The following DYDC1 variants were observed in gnomAD, a reference collection of about 807,000 sequenced individuals.
DYDC1 encodes DPY30 domain containing 1, also known as DPY30 domain-containing protein 1.
DYDC1 carries 21 observed loss-of-function variants against 27.9 expected under a neutral mutation model. The observed-to-expected ratio is 0.75, with a 90% CI of 0.53 to 1.08. The LOEUF (loss-of-function observed/expected upper bound fraction) is 1.08. DYDC1 is among the 50% of genes least tolerant of loss of function. DYDC1 has a pLI of 0.00. For synonymous variants in DYDC1, 67 were observed against 65.8 expected, an observed-to-expected ratio of 1.02 and a Z score of -0.09; for missense variants, 202 against 205.9, an observed-to-expected ratio of 0.98 and a Z score of 0.12.
chr10:80,352,827 C>G, intron 1 of DYDC1: 1 of 423,752 alleles, frequency 2.4e-6, no homozygotes, highest in Non-Finnish European at 3.9e-6. Context: ...GTTTCAAAAT[C>G]CTGAAGGACT....
At position 80,347,276 on chromosome 10, in the gene DYDC1, C is replaced by CTTTTTTTTTTTTTTTTTTTTTTTTTTTTT. The variant is rs556362145; in HGVS notation, c.249+4596_249+4624dup. ...CTTTGCCCATTTTTTAATTGGGATC[C>CTTTTTTTTTTTTTTTTTTTTTTTTTTTTT]TTTTTTTTTTTTTTTTTTTTTTTTT... On this transcript the variant is annotated intron_variant, in intron 3 of 6. Coordinates refer to ENST00000372202, the MANE Select transcript of DYDC1 (RefSeq NM_001269053.2). Among the ~76,000 whole-genome samples the CTTTTTTTTTTTTTTTTTTTTTTTTTTTTT allele has an allele frequency of 5.5e-5, 5 of 90,114 alleles. 2 individuals carry two copies. Among genetic ancestry groups the CTTTTTTTTTTTTTTTTTTTTTTTTTTTTT allele is most frequent in the African/African-American group, 8.8e-5 (2 of 22,842 alleles). 59.1% of individuals were successfully genotyped at this position (90,114 alleles called of 152,430 possible).
At chr10:80,347,955 C>A (rs1340904431) in intron 3 of DYDC1, among the ~76,000 whole-genome samples, 1 of 152,078 alleles carries the variant, frequency 6.6e-6, no homozygotes, top group Non-Finnish European at 1.5e-5. Context: ...TACTTCCATA[C>A]AAATTTTAGA....
At chr10:80,343,474 T>C (rs12411833) in intron 3 of DYDC1, among the ~76,000 whole-genome samples, 28,952 of 151,974 alleles carry the variant, frequency 0.19, 3,292 homozygotes, top group South Asian at 0.44. Context: ...ATTATATCCA[T>C]TATGTCAAAA....
chr10:80,352,146 T>C, intron 2 of DYDC1, 144 bp from the exon 3 acceptor site: 1 of 793,188 alleles, frequency 1.3e-6, no homozygotes, highest in Non-Finnish European at 2.0e-6. Flanking sequence ...TATAATAATT[T>C]GGGAAGATAT....
intron 1 of DYDC1, among the ~76,000 whole-genome samples, chr10:80,353,913 G>A (rs1362955268): frequency 6.6e-6 from 1 of 151,992 alleles, no homozygotes; most frequent in Non-Finnish European, 1.5e-5. Context: ...TGACTTCCTT[G>A]GAGCCCTTTT....
intron 3 of DYDC1, among the ~76,000 whole-genome samples, chr10:80,349,880 C>T (rs944959319): frequency 6.6e-6 from 1 of 152,110 alleles, no homozygotes; most frequent in African/African-American, 2.4e-5. Context: ...AATAAAAATA[C>T]TTCCCTGTTC....
intron 4 of DYDC1, among the ~76,000 whole-genome samples, chr10:80,341,234 T>C (rs928610616): frequency 1.3e-5 from 2 of 151,380 alleles, no homozygotes; most frequent in African/African-American, 4.9e-5. Context: ...CCTGACATGA[T>C]TGTATCATGT....
chr10:80,356,531 G>T, intron 1 of DYDC1, 181 bp downstream of exon 1: 1 of 985,508 alleles, frequency 1.0e-6, no homozygotes, highest in Non-Finnish European at 1.2e-6. Context: ...CCCGCTCAGG[G>T]GGAGCAGGAG....
intron 3 of DYDC1, among the ~76,000 whole-genome samples, chr10:80,350,063 A>C (rs1447988128): frequency 1.3e-5 from 2 of 152,094 alleles, no homozygotes; most frequent in Non-Finnish European, 2.9e-5. Flanking sequence ...TCTTCATCTC[A>C]GCCACACTCT....
intron 3 of DYDC1, among the ~76,000 whole-genome samples, chr10:80,347,850 C>A (rs541186911): frequency 6.6e-6 from 1 of 152,312 alleles, no homozygotes; most frequent in South Asian, 2.1e-4. Context: ...GTTGTAATTA[C>A]TATGGCTTTG....
At chr10:80,336,098 C>A (rs1842125598), downstream of DYDC1, 2 of 1,184,394 alleles carry the variant, frequency 1.7e-6, no homozygotes, top group Non-Finnish European at 2.5e-6. Flanking sequence ...AATTGGGAAC[C>A]TCATGGTTTG....
chr10:80,346,282 A>G (rs914960262), intron 3 of DYDC1, among the ~76,000 whole-genome samples: 1 of 152,094 alleles, frequency 6.6e-6, no homozygotes, highest in Non-Finnish European at 1.5e-5. Context: ...TCCTTTGAAT[A>G]TATACTGAGA....
At chr10:80,337,295 T>C in intron 6 of DYDC1, 1 of 985,494 alleles carries the variant, frequency 1.0e-6, no homozygotes, top group Non-Finnish European at 1.2e-6. Flanking sequence ...ATTTTGTTCA[T>C]TGGCATTTTC....
At chr10:80,338,741 G>C (rs1179072197) in intron 5 of DYDC1, among the ~76,000 whole-genome samples, 170 bp from the exon 6 acceptor site, 1 of 152,130 alleles carries the variant, frequency 6.6e-6, no homozygotes, top group Non-Finnish European at 1.5e-5. Context: ...GTAATGAATT[G>C]AGTATCCTAG....
chr10:80,341,239 T>G (rs938691530), intron 4 of DYDC1, among the ~76,000 whole-genome samples: 6 of 151,412 alleles, frequency 4.0e-5, no homozygotes, highest in African/African-American at 1.5e-4. Flanking sequence ...CATGATTGTA[T>G]CATGTCAGCT....
chr10:80,337,652 C>A (rs1842177432), intron 6 of DYDC1, among the ~76,000 whole-genome samples: 1 of 152,164 alleles, frequency 6.6e-6, no homozygotes, highest in African/African-American at 2.4e-5. Context: ...CCCTCCCTGC[C>A]TCACTCCCTC....
chr10:80,341,432 G>C (rs1051495857), intron 4 of DYDC1, among the ~76,000 whole-genome samples: 1 of 106,390 alleles, frequency 9.4e-6, no homozygotes, highest in Non-Finnish European at 1.7e-5. Context: ...GACAGAGTGA[G>C]ACTCTGTCTC....
At chr10:80,338,295 C>T in intron 6 of DYDC1, 172 bp downstream of exon 6, 2 of 1,339,388 alleles carry the variant, frequency 1.5e-6, no homozygotes, top group Non-Finnish European at 1.9e-6. Flanking sequence ...GGGCAGAATG[C>T]CAATTAGGAA....
In DYDC1 at chr10:80,356,721, C is replaced by G. The variant is rs898512016; in HGVS notation, c.-19G>C. On this transcript the variant is annotated 5_prime_UTR_variant, in exon 1 of 7. Coordinates refer to ENST00000372202, the MANE Select transcript of DYDC1 (RefSeq NM_001269053.2). ...TTTCCGGTGCGCTCACCCCTACACA[C>G]GCGCCTGCTCGCCACCCAGGAGCGG... The G allele has an allele frequency of 1.0e-6, 1 of 985,114 alleles. No individual in the cohort carries two copies. The highest frequency in any genetic ancestry group is 1.2e-6 in the Non-Finnish European group (1 of 829,638). 61.0% of individuals were successfully genotyped at this position (985,114 alleles called of 1,614,324 possible).
Sources: gnomAD v4.1 joint callset for allele counts (sites outside exome capture counted in the v4.1 genomes callset) on GRCh38, gnomAD v4.1.1 for gene constraint, MANE v1.5 for transcripts, NCBI Gene and HGNC (gene_info 2026-07-23, HGNC 2026-07-21) for gene names.